FDX1: variants seen among roughly 807,000 people sequenced by gnomAD.
FDX1 encodes adrenodoxin, mitochondrial.
In FDX1, 9 loss-of-function variants were observed where a neutral mutation model predicts 14.9. The observed-to-expected ratio is 0.60, with a 90% confidence interval of 0.36 to 1.05. FDX1 has a LOEUF of 1.05. FDX1 is among the 50% of genes least tolerant of loss of function. The pLI is 0.01. For synonymous variants in FDX1, 92 were observed against 99.4 expected, an observed-to-expected ratio of 0.93 and a Z score of 0.44; for missense variants, 204 against 237.2, an observed-to-expected ratio of 0.86 and a Z score of 0.92.
chr11:110,434,792 G>A (rs1360179304), intron 1 of FDX1, among the ~76,000 whole-genome samples: 4 of 144,262 alleles, frequency 2.8e-5, no homozygotes, highest in African/African-American at 1.0e-4. Context: ...GTGCAATGGT[G>A]TAATCACGGC....
intron 2 of FDX1, among the ~76,000 whole-genome samples, chr11:110,440,235 G>T (rs1035805735): frequency 6.6e-6 from 1 of 151,794 alleles, no homozygotes; most frequent in Non-Finnish European, 1.5e-5. Context: ...TTTTGGTTTT[G>T]TTGATCCTTT....
chr11:110,434,725 G>GTTTTTTTTTTTT (rs56907322), intron 1 of FDX1, among the ~76,000 whole-genome samples: 34 of 105,734 alleles, frequency 3.2e-4, no homozygotes, highest in African/African-American at 4.1e-4. Flanking sequence ...GACTTTTTTT[G>GTTTTTTTTTTTT]TTTTTTTTTT....
intron 2 of FDX1, among the ~76,000 whole-genome samples, chr11:110,449,445 A>G (rs1172125086): frequency 2.6e-5 from 4 of 152,206 alleles, no homozygotes; most frequent in South Asian, 4.1e-4. Flanking sequence ...GGGTAGGTAC[A>G]GTGTGATGTT....
Position 110,464,866 on chromosome 11 carries a change from TGGA to T in FDX1, c.*2402_*2404del, listed in dbSNP as rs1212121834. 3 of 152,188 alleles carry T rather than the reference TGGA, an allele frequency of 2.0e-5. No individual in the cohort carries two copies. In the East Asian group the frequency reaches 5.8e-4, roughly 29 times the overall value. 9.4% of individuals were successfully genotyped at this position (152,188 alleles called of 1,614,324 possible). A position where few individuals can be genotyped will look rare whatever the true frequency, so the allele number is the denominator to read the frequency against. ...TATAAAACCTTCTAAAATTATTAAA[TGGA>T]GGATATAATCTATAATTGGTTTGTA... is the stretch of plus-strand genomic sequence containing the variant. On this transcript the variant is annotated 3_prime_UTR_variant, in exon 4 of 4. Transcript: ENST00000260270.
rs116365254 is a variant in FDX1 at position 110,461,224 on chromosome 11, G to A, written c.441-1130G>A. Among the ~76,000 whole-genome samples the A allele has an allele frequency of 9.5e-3, 1,441 of 152,096 alleles. 21 individuals carry two copies. Among genetic ancestry groups the A allele is most frequent in the African/African-American group, 0.032 (1,342 of 41,494 alleles). On this transcript the variant is annotated intron_variant, in intron 3 of 3. Transcript: ENST00000260270. ...CTAAGAAAAGAAAATGGCTGAGTGC[G>A]GTGGCTCATACCTGTTATCCCAACA...
chr11:110,446,604 C>T (rs1946451482), intron 2 of FDX1, among the ~76,000 whole-genome samples: 2 of 152,120 alleles, frequency 1.3e-5, no homozygotes, highest in Non-Finnish European at 1.5e-5. Flanking sequence ...TCTTTCCTAC[C>T]TCAGTAATGA....
intron 2 of FDX1, among the ~76,000 whole-genome samples, chr11:110,455,083 T>G (rs1946513682): frequency 6.6e-6 from 1 of 152,228 alleles, no homozygotes. Context: ...CTCGGCTCAC[T>G]GCATCCTCTG....
Position 110,458,825 on chromosome 11 carries a change from T to C in FDX1, c.440+1778T>C, listed in dbSNP as rs184778134. On this transcript the variant is annotated intron_variant, in intron 3 of 3. Transcript: ENST00000260270. ...GTTTCACCATGTTGGCCAGGCTGTC[T>C]CGAACTCCTGACCTCATGATCTGCC... is the stretch of plus-strand genomic sequence containing the variant. Among the ~76,000 whole-genome samples the C allele has an allele frequency of 2.0e-5, 3 of 152,252 alleles. No individual in the cohort carries two copies. In the East Asian group the frequency reaches 5.8e-4, roughly 29 times the overall value.
chr11:110,456,879 G>A, intron 2 of FDX1, 39 bp from the exon 3 acceptor site: 1 of 1,582,036 alleles, frequency 6.3e-7, no homozygotes, highest in Non-Finnish European at 8.6e-7. Flanking sequence ...ATCGTCTGAT[G>A]TAGAAGGGAC....
At chr11:110,444,001 A>G (rs1297838718) in intron 2 of FDX1, among the ~76,000 whole-genome samples, 1 of 149,634 alleles carries the variant, frequency 6.7e-6, no homozygotes, top group East Asian at 2.0e-4. Flanking sequence ...ATTTTCTCCC[A>G]CTCTGTAGGT....
intron 2 of FDX1, among the ~76,000 whole-genome samples, chr11:110,440,395 A>C (rs1226677353): frequency 1.3e-5 from 2 of 152,212 alleles, no homozygotes; most frequent in African/African-American, 4.8e-5. Flanking sequence ...ATAGGCGGTC[A>C]GTGCTCTAAA....
At chr11:110,446,624 G>A (rs1051075103) in intron 2 of FDX1, among the ~76,000 whole-genome samples, 8 of 152,002 alleles carry the variant, frequency 5.3e-5, no homozygotes, top group Admixed American at 2.0e-4. Context: ...AGCACCACCC[G>A]GCTGCTCGAA....
intron 2 of FDX1, among the ~76,000 whole-genome samples, chr11:110,451,811 C>T (rs1003662083): frequency 6.0e-4 from 92 of 152,314 alleles, no homozygotes; most frequent in African/African-American, 2.1e-3. Context: ...AAGCCATTAT[C>T]CTCAGCAAAC....
chr11:110,446,577 A>G (rs2134684879), intron 2 of FDX1, among the ~76,000 whole-genome samples: 1 of 152,202 alleles, frequency 6.6e-6, no homozygotes, highest in Non-Finnish European at 1.5e-5. Flanking sequence ...TCCTGATGAA[A>G]CCTGTCCTTC....
chr11:110,461,619 C>A (rs1946557429), intron 3 of FDX1, among the ~76,000 whole-genome samples: 1 of 150,194 alleles, frequency 6.7e-6, no homozygotes, highest in African/African-American at 2.4e-5. Flanking sequence ...CAAATTTACA[C>A]CCTGCTTTCT....
rs60839103 is a variant in FDX1, at chr11:110,448,996, C to T, written c.311-7922C>T. ...CTGAATATCTGTATGATTTTCTTGACTATGGTGATGATATTTTAAACTGTG... is the reference window on the plus strand; with the variant it reads ...CTGAATATCTGTATGATTTTCTTGATTATGGTGATGATATTTTAAACTGTG... On this transcript the variant is annotated intron_variant, in intron 2 of 3. Transcript: ENST00000260270. Among the ~76,000 whole-genome samples the T allele has an allele frequency of 4.4e-3, 677 of 152,250 alleles. 2 individuals carry two copies. The highest frequency in any genetic ancestry group is 0.015 in the African/African-American group (632 of 41,526).
At chr11:110,438,382 T>G (rs1946384054) in intron 2 of FDX1, among the ~76,000 whole-genome samples, 1 of 152,184 alleles carries the variant, frequency 6.6e-6, no homozygotes, top group Admixed American at 6.6e-5. Context: ...GAGTATTTTT[T>G]CATGTTTCAT....
intron 2 of FDX1, among the ~76,000 whole-genome samples, chr11:110,444,716 A>ACG (rs1946435235): frequency 2.6e-5 from 2 of 78,390 alleles, no homozygotes; most frequent in African/African-American, 1.3e-4. Context: ...GTATATATAT[A>ACG]TATATACGTA....
At position 110,462,756 on chromosome 11, in the gene FDX1, T is replaced by C; in HGVS notation, c.*288T>C. ...GTTTAGCGACTTTAGCAAAATGTTT[T>C]CATATAATCTCATCTGTTTACCTAG... On this transcript the variant is annotated 3_prime_UTR_variant, in exon 4 of 4. Transcript: ENST00000260270. The C allele has an allele frequency of 4.3e-6, 1 of 230,746 alleles. No individual in the cohort carries two copies. Among genetic ancestry groups the C allele is most frequent in the South Asian group, 6.9e-5 (1 of 14,420 alleles). 14.3% of individuals were successfully genotyped at this position (230,746 alleles called of 1,614,324 possible).
Sources: gnomAD v4.1 joint callset for allele counts (sites outside exome capture counted in the v4.1 genomes callset) on GRCh38, gnomAD v4.1.1 for gene constraint, MANE v1.5 for transcripts, NCBI Gene and HGNC (gene_info 2026-07-23, HGNC 2026-07-21) for gene names.